The following AGGF1 variants were observed in gnomAD, a reference collection of about 807,000 sequenced individuals.
AGGF1 encodes angiogenic factor with G-patch and FHA domains 1.
In AGGF1, 56 loss-of-function variants were observed where a neutral mutation model predicts 86.5. That is an observed-to-expected ratio of 0.65 (90% confidence interval 0.52 to 0.81). The LOEUF (loss-of-function observed/expected upper bound fraction) is 0.81. AGGF1 is among the 30% of genes least tolerant of loss of function. The pLI, the probability that AGGF1 is intolerant of heterozygous loss-of-function variation, is 0.00. For missense variants in AGGF1, 816 were observed against 850.9 expected, an observed-to-expected ratio of 0.96 and a Z score of 0.51; for synonymous variants, 313 against 297.1, an observed-to-expected ratio of 1.05 and a Z score of -0.55.
In AGGF1 at chr5:77,030,725, C is replaced by T. The variant is rs1297124668; in HGVS notation, c.-42C>T. 1.3e-6 allele frequency: 2 copies of T among 1,543,176 alleles called. No individual in the cohort carries two copies. Among genetic ancestry groups the T allele is most frequent in the African/African-American group, 2.7e-5 (2 of 73,740 alleles). ...CCGCCGGCGTCCGTTTCGGCCTGAA[C>T]GCAGCCCCTCCGCGGCGACGAGCAG... On this transcript the variant is annotated 5_prime_UTR_variant, in exon 1 of 14. In the 5' UTR this introduces an upstream ATG that the reference lacks. Coordinates refer to ENST00000312916, the MANE Select transcript of AGGF1 (RefSeq NM_018046.5).
intron 5 of AGGF1, among the ~76,000 whole-genome samples, chr5:77,042,253 CCCCACCTTT>C (rs1261148438): frequency 2.9e-3 from 430 of 150,604 alleles, no homozygotes; most frequent in African/African-American, 9.9e-3. Context: ...TCAATCTTTT[CCCCACCTTT>C]CCCGCCTTTC....
intron 1 of AGGF1, among the ~76,000 whole-genome samples, chr5:77,032,614 C>T: frequency 6.7e-6 from 1 of 150,064 alleles, no homozygotes; most frequent in Admixed American, 6.6e-5. Context: ...AATATAACAG[C>T]CTTTTTTACA....
At chr5:77,039,979 C>A (rs1026892931) in intron 5 of AGGF1, among the ~76,000 whole-genome samples, 1 of 152,002 alleles carries the variant, frequency 6.6e-6, no homozygotes, top group Non-Finnish European at 1.5e-5. Flanking sequence ...AAGAAGAATT[C>A]AGATCCTCAG....
intron 8 of AGGF1, among the ~76,000 whole-genome samples, chr5:77,049,758 C>T (rs1033972715): frequency 1.3e-5 from 2 of 151,958 alleles, no homozygotes; most frequent in Admixed American, 6.6e-5. Context: ...CCTGGGTGTT[C>T]GCTAGGCTGG....
intron 5 of AGGF1, among the ~76,000 whole-genome samples, chr5:77,040,836 TCTGTC>T (rs1247279605): frequency 6.6e-6 from 1 of 152,118 alleles, no homozygotes; most frequent in Admixed American, 6.5e-5. Context: ...GTCTTGTCCT[TCTGTC>T]CTGTCCTGTT....
intron 5 of AGGF1, among the ~76,000 whole-genome samples, chr5:77,042,020 G>C (rs1000625138): frequency 2.7e-5 from 4 of 150,310 alleles, no homozygotes; most frequent in Non-Finnish European, 5.9e-5. Context: ...GACTCTTAAC[G>C]AGCATGCTGC....
chr5:77,033,320 G>C (rs1746905613), intron 1 of AGGF1, among the ~76,000 whole-genome samples: 1 of 152,174 alleles, frequency 6.6e-6, no homozygotes, highest in African/African-American at 2.4e-5. Context: ...TGTCTTGTCT[G>C]ATATTTTATG....
chr5:77,060,272 A>T (rs1747534460), intron 12 of AGGF1, among the ~76,000 whole-genome samples: 1 of 152,346 alleles, frequency 6.6e-6, no homozygotes, highest in South Asian at 2.1e-4. Context: ...ACCTGTACTT[A>T]AACACACATA....
chr5:77,038,270 A>G (rs1290869742), intron 4 of AGGF1, among the ~76,000 whole-genome samples: 1 of 152,234 alleles, frequency 6.6e-6, no homozygotes, highest in African/African-American at 2.4e-5. Flanking sequence ...CAAAGGGAGT[A>G]GTTATTTAGT....
At chr5:77,058,297 G>A (rs1747493099) in intron 11 of AGGF1, among the ~76,000 whole-genome samples, 1 of 152,108 alleles carries the variant, frequency 6.6e-6, no homozygotes, top group Admixed American at 6.5e-5. Flanking sequence ...TTACTTTTGA[G>A]AAACTAAAGC....
intron 10 of AGGF1, 54 bp downstream of exon 10, chr5:77,054,184 A>C: frequency 6.2e-7 from 1 of 1,605,564 alleles, no homozygotes; most frequent in Non-Finnish European, 8.5e-7. Flanking sequence ...TCATTACCTA[A>C]ATGTTCTAAA....
chr5:77,058,010 G>A (rs959512022), intron 11 of AGGF1, among the ~76,000 whole-genome samples: 12 of 152,180 alleles, frequency 7.9e-5, no homozygotes, highest in Admixed American at 7.2e-4. Context: ...AGGAAGATGA[G>A]TGATTGCTTA....
intron 4 of AGGF1, among the ~76,000 whole-genome samples, chr5:77,038,745 C>T (rs957159440): frequency 1.3e-5 from 2 of 152,106 alleles, no homozygotes; most frequent in Admixed American, 6.5e-5. Flanking sequence ...AAGATGTTTC[C>T]GGGTCTGGTC....
intron 2 of AGGF1, 105 bp downstream of exon 2, chr5:77,034,625 ATTG>A: frequency 1.2e-6 from 1 of 824,008 alleles, no homozygotes; most frequent in South Asian, 1.4e-5. Context: ...GTAAATGAGA[ATTG>A]TTAATACTGT....
rs183787629 is a variant in AGGF1 at position 77,064,767 on chromosome 5, G to T, written c.*1515G>T. The T allele has an allele frequency of 1.3e-5, 2 of 152,310 alleles. No individual in the cohort carries two copies. Among genetic ancestry groups the T allele is most frequent in the African/African-American group, 4.8e-5 (2 of 41,558 alleles). 9.4% of individuals were successfully genotyped at this position (152,310 alleles called of 1,614,324 possible). A position where few individuals can be genotyped will look rare whatever the true frequency, so the allele number is the denominator to read the frequency against. On this transcript the variant is annotated 3_prime_UTR_variant, in exon 14 of 14. Coordinates refer to ENST00000312916, the MANE Select transcript of AGGF1 (RefSeq NM_018046.5). ...GTCTAAATGTGGTTCTGGTGCTGGT[G>T]CCCTGTATATATGTAACAATATAGG...
At chr5:77,049,530 A>T (rs1451680946) in intron 8 of AGGF1, among the ~76,000 whole-genome samples, 2 of 149,894 alleles carry the variant, frequency 1.3e-5, no homozygotes, top group African/African-American at 2.5e-5. Flanking sequence ...AGCTGCTGAG[A>T]TTCTTTATAT....
rs978739346 is a variant in AGGF1 at position 77,062,703 on chromosome 5, A to G, written c.1945-349A>G. Among the ~76,000 whole-genome samples, 3 of 152,154 alleles carry G rather than the reference A, an allele frequency of 2.0e-5. No individual in the cohort carries two copies. The East Asian group carries it at 5.8e-4, about 29-fold the overall frequency. On this transcript the variant is annotated intron_variant, in intron 13 of 13. Coordinates refer to ENST00000312916, the MANE Select transcript of AGGF1 (RefSeq NM_018046.5). ...AACCTGCTTGTTCACTTACTTAGAT[A>G]AGGATAGGACAGTGGGTTTAAACAT...
intron 5 of AGGF1, among the ~76,000 whole-genome samples, chr5:77,045,461 ATGTT>A (rs1230578395): frequency 6.8e-6 from 1 of 146,174 alleles, no homozygotes; most frequent in Non-Finnish European, 1.5e-5. Flanking sequence ...TAATTAAAAA[ATGTT>A]CATTTATTAT....
Position 77,064,878 on chromosome 5 carries a change from T to A in AGGF1, c.*1626T>A, listed in dbSNP as rs969471123. The A allele has an allele frequency of 6.6e-6, 1 of 152,216 alleles. No homozygotes were observed. The highest frequency in any genetic ancestry group is 1.9e-4 in the East Asian group (1 of 5,198). The allele number at this position is 152,216 out of a possible 1,614,324, so 9.4% of individuals were successfully genotyped here. ...CTATAATATTTTCCATTTGTATTATTATATTGGGGAAAACATTTTTTATCA... is the reference window on the plus strand; with the variant it reads ...CTATAATATTTTCCATTTGTATTATAATATTGGGGAAAACATTTTTTATCA... On this transcript the variant is annotated 3_prime_UTR_variant, in exon 14 of 14. Transcript: ENST00000312916.
Sources: gnomAD v4.1 joint callset for allele counts (sites outside exome capture counted in the v4.1 genomes callset) on GRCh38, gnomAD v4.1.1 for gene constraint, MANE v1.5 for transcripts, NCBI Gene and HGNC (gene_info 2026-07-23, HGNC 2026-07-21) for gene names.